Variants in ITSN1 observed in about 807,000 individuals in gnomAD.
ITSN1 encodes the protein intersectin 1.
Under a neutral mutation model 239.8 loss-of-function variants are expected in ITSN1, and 58 were observed. The observed-to-expected ratio is 0.24, with a 90% CI of 0.20 to 0.30. The LOEUF (loss-of-function observed/expected upper bound fraction) is 0.30, where lower values mean the gene tolerates loss of function less well. Ranked by LOEUF, ITSN1 falls within the 10% of genes least tolerant of loss-of-function variation. ITSN1 has a pLI of 1.00. For synonymous variants in ITSN1, 780 were observed against 770.8 expected, an observed-to-expected ratio of 1.01 and a Z score of -0.20; for missense variants, 1,558 against 2,103.3, an observed-to-expected ratio of 0.74 and a Z score of 5.07.
At position 33,878,008 on chromosome 21, in the gene ITSN1, T is replaced by TTGTGTGTGTGTG. The variant is rs71194867; in HGVS notation, c.4341+2515_4341+2526dup. On this transcript the variant is annotated intron_variant, in intron 34 of 39. Coordinates refer to ENST00000381318, the MANE Select transcript of ITSN1 (RefSeq NM_003024.3). ...TCTCTCTTTCTCTTTCTCTCTCTCT[T>TTGTGTGTGTGTG]TGTGTGTGTGTGTGTGTGTGTGTGT... Among the ~76,000 whole-genome samples, 461 of 140,274 alleles carry TTGTGTGTGTGTG rather than the reference T, an allele frequency of 3.3e-3. 4 individuals are homozygous for TTGTGTGTGTGTG. The highest frequency in any genetic ancestry group is 5.1e-3 in the South Asian group (21 of 4,082). 92.0% of individuals were successfully genotyped at this position (140,274 alleles called of 152,430 possible).
At chr21:33,822,986 C>G (rs779324385) in intron 24 of ITSN1, among the ~76,000 whole-genome samples, 1 of 152,136 alleles carries the variant, frequency 6.6e-6, no homozygotes, top group African/African-American at 2.4e-5. Flanking sequence ...TTAATTTATG[C>G]GAAGGATATA....
At chr21:33,781,892 T>C in intron 15 of ITSN1, 102 bp from the exon 16 acceptor site, 1 of 1,196,778 alleles carries the variant, frequency 8.4e-7, no homozygotes, top group Non-Finnish European at 1.2e-6. Flanking sequence ...TCTTATTTTT[T>C]AACCAGCAAG....
At chr21:33,697,569 A>G (rs1310165974) in intron 1 of ITSN1, among the ~76,000 whole-genome samples, 2 of 152,110 alleles carry the variant, frequency 1.3e-5, no homozygotes, top group Admixed American at 6.6e-5. Context: ...TGTGAGTTGA[A>G]AATAGTTTAA....
chr21:33,752,477 T>C (rs1219279295), intron 7 of ITSN1, among the ~76,000 whole-genome samples: 1 of 152,236 alleles, frequency 6.6e-6, no homozygotes, highest in East Asian at 1.9e-4. Flanking sequence ...TTATTGCTTA[T>C]GTTTTGGCCA....
intron 29 of ITSN1, among the ~76,000 whole-genome samples, chr21:33,852,592 C>T (rs965054634): frequency 1.3e-5 from 2 of 152,072 alleles, no homozygotes; most frequent in African/African-American, 4.8e-5. Flanking sequence ...TCCAGAAGGC[C>T]ATCACATCTC....
At chr21:33,872,618 G>A (rs777418777) in intron 33 of ITSN1, among the ~76,000 whole-genome samples, 2 of 152,034 alleles carry the variant, frequency 1.3e-5, no homozygotes, top group Non-Finnish European at 2.9e-5. Context: ...TGCAATGTCC[G>A]CCTCCTGGGT....
intron 26 of ITSN1, among the ~76,000 whole-genome samples, chr21:33,828,188 G>C (rs2074079222): frequency 6.6e-6 from 1 of 152,258 alleles, no homozygotes; most frequent in African/African-American, 2.4e-5. Context: ...CAGATTGCTG[G>C]CTGCGTATGC....
intron 4 of ITSN1, among the ~76,000 whole-genome samples, chr21:33,729,060 A>G (rs888925957): frequency 3.3e-5 from 5 of 152,222 alleles, no homozygotes; most frequent in African/African-American, 1.2e-4. Flanking sequence ...CCAACACTGC[A>G]GGGAATGAGG....
At chr21:33,663,594 C>T (rs997007286) in intron 1 of ITSN1, among the ~76,000 whole-genome samples, 1 of 151,930 alleles carries the variant, frequency 6.6e-6, no homozygotes, top group Non-Finnish European at 1.5e-5. Flanking sequence ...CATACCTAAC[C>T]TGGTGATTAA....
intron 4 of ITSN1, among the ~76,000 whole-genome samples, chr21:33,732,954 T>G (rs1045983421): frequency 1.3e-5 from 2 of 152,214 alleles, no homozygotes; most frequent in South Asian, 4.1e-4. Context: ...AGATTGTCTT[T>G]TCTTTGGTTG....
At chr21:33,644,258 A>G (rs190525024) in intron 1 of ITSN1, among the ~76,000 whole-genome samples, 7 of 152,362 alleles carry the variant, frequency 4.6e-5, no homozygotes, top group Admixed American at 1.3e-4. Flanking sequence ...TGAAAAATAC[A>G]TACATATGAA....
At chr21:33,819,448 A>T (rs2073508551) in intron 24 of ITSN1, 125 bp downstream of exon 24, 1 of 592,798 alleles carries the variant, frequency 1.7e-6, no homozygotes, top group African/African-American at 1.8e-5. Flanking sequence ...ACTACAGTAA[A>T]ATGTAAGTTT....
At chr21:33,773,368 A>G (rs546234214) in intron 12 of ITSN1, among the ~76,000 whole-genome samples, 7 of 152,084 alleles carry the variant, frequency 4.6e-5, no homozygotes, top group Non-Finnish European at 8.8e-5. Context: ...CCTATATTCT[A>G]TGGAAGGCTT....
intron 8 of ITSN1, among the ~76,000 whole-genome samples, chr21:33,759,217 T>G (rs901909318): frequency 6.6e-6 from 1 of 152,200 alleles, no homozygotes; most frequent in Non-Finnish European, 1.5e-5. Context: ...TTAATAAAAC[T>G]TTGCTTACCA....
At chr21:33,856,882 G>A (rs751685685) in intron 30 of ITSN1, 25 bp downstream of exon 30, 2 of 1,611,058 alleles carry the variant, frequency 1.2e-6, no homozygotes, top group Non-Finnish European at 8.5e-7. Context: ...GGGGCAGGGG[G>A]CACGGCAGGG....
chr21:33,652,653 TCTTAC>T (rs2088647389), intron 1 of ITSN1, among the ~76,000 whole-genome samples: 1 of 152,186 alleles, frequency 6.6e-6, no homozygotes, highest in Non-Finnish European at 1.5e-5. Context: ...TTTCCTGTTC[TCTTAC>T]CAGGACTGGG....
At chr21:33,716,523 T>G (rs769403872) in intron 1 of ITSN1, 2 of 152,142 alleles carry the variant, frequency 1.3e-5, no homozygotes, top group African/African-American at 2.4e-5. Context: ...AACCTCCACA[T>G]TACTGAACAT....
intron 34 of ITSN1, among the ~76,000 whole-genome samples, chr21:33,876,326 TTCTTTCC>T: frequency 6.7e-6 from 1 of 150,272 alleles, no homozygotes; most frequent in African/African-American, 2.5e-5. Flanking sequence ...CCTTCCTTCC[TTCTTTCC>T]TTCCTTCCTT....
intron 16 of ITSN1, among the ~76,000 whole-genome samples, chr21:33,794,017 G>C (rs924142276): frequency 1.3e-5 from 2 of 152,186 alleles, no homozygotes; most frequent in Non-Finnish European, 2.9e-5. Flanking sequence ...TCATATCTTG[G>C]AACTGGTTAC....
Sources: gnomAD v4.1 joint callset for allele counts (sites outside exome capture counted in the v4.1 genomes callset) on GRCh38, gnomAD v4.1.1 for gene constraint, MANE v1.5 for transcripts, NCBI Gene and HGNC (gene_info 2026-07-23, HGNC 2026-07-21) for gene names.